SEC24D: variants seen among roughly 807,000 people sequenced by gnomAD.
SEC24D encodes SEC24 homolog D, COPII component.
A neutral mutation model predicts 116.9 loss-of-function variants in SEC24D; 69 were observed. The observed-to-expected ratio is 0.59, with a 90% CI of 0.49 to 0.72. The LOEUF is 0.72. Among genes scored for constraint, SEC24D ranks in the 30% least tolerant of loss-of-function variants. The pLI, the probability that SEC24D is intolerant of heterozygous loss-of-function variation, is 0.00. For synonymous variants in SEC24D, 405 were observed against 442.8 expected (o/e 0.91, Z 1.07); for missense variants, 1,131 against 1,264.1 (o/e 0.89, Z 1.60).
chr4:118,830,886 T>C lies in SEC24D; in HGVS notation c.118+2693A>G, dbSNP rs140366650. Among the ~76,000 whole-genome samples the C allele has an allele frequency of 3.6e-3, 546 of 152,216 alleles. 2 individuals carry two copies. The highest frequency in any genetic ancestry group is 0.017 in the Middle Eastern group (5 of 294). ...GTTACAAGATCATTTTAGTAATCCA[T>C]GTGAGAGATGGATGGATTGAACAAA... On this transcript the variant is annotated intron_variant, in intron 2 of 22. Coordinates refer to ENST00000280551, the MANE Select transcript of SEC24D (RefSeq NM_014822.4).
chr4:118,791,511 TCTCCCTA>T (rs1195079807), intron 8 of SEC24D, among the ~76,000 whole-genome samples: 50 of 152,130 alleles, frequency 3.3e-4, no homozygotes, highest in Middle Eastern at 3.4e-3. Context: ...AATTTATAGC[TCTCCCTA>T]CTCCCTACTC....
intron 8 of SEC24D, among the ~76,000 whole-genome samples, chr4:118,789,832 C>T (rs1345658978): frequency 6.6e-6 from 1 of 152,198 alleles, no homozygotes; most frequent in Non-Finnish European, 1.5e-5. Flanking sequence ...GATCCACCCA[C>T]CTTGGCCTCC....
chr4:118,814,936 T>C, intron 6 of SEC24D, 92 bp downstream of exon 6: 1 of 1,380,938 alleles, frequency 7.2e-7, no homozygotes, highest in African/African-American at 1.4e-5. Context: ...TCTATGCTAA[T>C]GAACAGGATA....
In SEC24D at chr4:118,731,528, G is replaced by C. The variant is rs149598210; in HGVS notation, c.2677-21C>G. ...GTGTGCTGGGCAGGCACAGACAAAA[G>C]AGTTAGAAACTCCTTTCTTCCCCTT... On this transcript the variant is annotated intron_variant, in intron 20 of 22. Transcript: ENST00000280551. 6,507 of 1,609,072 alleles carry C rather than the reference G, an allele frequency of 4.0e-3. 64 individuals are homozygous for C. Among genetic ancestry groups the C allele is most frequent in the Middle Eastern group, 0.04 (244 of 6,046 alleles).
intron 13 of SEC24D, among the ~76,000 whole-genome samples, chr4:118,747,468 G>A (rs1436425083): frequency 6.6e-6 from 1 of 151,962 alleles, no homozygotes; most frequent in African/African-American, 2.4e-5. Context: ...GCTTCTCCAT[G>A]TTGGTCAGGC....
chr4:118,731,472 A>G lies in SEC24D; in HGVS notation c.2712T>C (p.Ala904=), dbSNP rs1801880. 5.6e-6 allele frequency: 9 copies of G among 1,614,168 alleles called. No individual in the cohort carries two copies. The highest frequency in any genetic ancestry group is 7.6e-6 in the Non-Finnish European group (9 of 1,179,998). Residue 904 remains alanine (A), a synonymous_variant, in exon 21 of 23, where the codon GCT becomes GCC. Coordinates refer to ENST00000280551, the MANE Select transcript of SEC24D (RefSeq NM_014822.4). ...GACGGGACTCAGAGCAACGAACGGC[A>G]GCAGGTAACATTGTACTCTTGACAT... ...TLDVKSTMLP[A]AVRCSESRLS...
intron 19 of SEC24D, 85 bp downstream of exon 19, chr4:118,738,176 C>T: frequency 2.2e-6 from 2 of 895,002 alleles, no homozygotes; most frequent in Middle Eastern, 4.4e-4. Context: ...GTGCCTGCAA[C>T]ATCATAAGCC....
intron 2 of SEC24D, among the ~76,000 whole-genome samples, chr4:118,825,242 A>G (rs546087108): frequency 6.2e-4 from 94 of 152,326 alleles, no homozygotes; most frequent in South Asian, 2.9e-3. Context: ...CTTTCTAAAA[A>G]TCCTGAGCAC....
rs376309261 is a variant in SEC24D at position 118,762,378 on chromosome 4, G to A, written c.1296+2424C>T. The stretch of plus-strand genomic sequence containing the variant: ...TATGGCCTGAAGCTGGCACTTACGC[G>A]GTCTCTAAGCCTAAGTTTCCTCAAG... On this transcript the variant is annotated intron_variant, in intron 10 of 22. Coordinates refer to ENST00000280551, the MANE Select transcript of SEC24D (RefSeq NM_014822.4). Among the ~76,000 whole-genome samples the A allele has an allele frequency of 2.5e-4, 38 of 152,162 alleles. No individual in the cohort carries two copies. In the East Asian group the frequency reaches 4.1e-3, roughly 16 times the overall value.
chr4:118,739,308 T>C (rs1156517202), intron 17 of SEC24D, 21 bp from the exon 18 acceptor site: 1 of 1,600,236 alleles, frequency 6.2e-7, no homozygotes, highest in South Asian at 1.1e-5. Context: ...AACATTGAGG[T>C]CACATGTTTT....
At chr4:118,826,252 A>G (rs1057208318) in intron 2 of SEC24D, among the ~76,000 whole-genome samples, 2 of 152,328 alleles carry the variant, frequency 1.3e-5, no homozygotes, top group South Asian at 4.1e-4. Flanking sequence ...ACTTGCAGTC[A>G]CAGACAAGTT....
Position 118,794,122 on chromosome 4 carries a change from T to C in SEC24D, c.1041+3561A>G, listed in dbSNP as rs141218774. Among the ~76,000 whole-genome samples, 10 of 152,282 alleles carry C rather than the reference T, an allele frequency of 6.6e-5. No individual in the cohort carries two copies. In the East Asian group the frequency reaches 1.5e-3, roughly 23 times the overall value. On this transcript the variant is annotated intron_variant, in intron 8 of 22. Transcript: ENST00000280551. ...GGTTAAAACAAACAACTTTGGAAAA[T>C]AGAAACCATACCCACTCAATTTATG... is the stretch of plus-strand genomic sequence containing the variant.
At chr4:118,813,598 T>G (rs79860461) in intron 6 of SEC24D, among the ~76,000 whole-genome samples, 3 of 152,172 alleles carry the variant, frequency 2.0e-5, no homozygotes, top group African/African-American at 7.2e-5. Flanking sequence ...ATTAACCCAC[T>G]AATCCATGAA....
At chr4:118,778,811 C>T (rs1399530304) in intron 8 of SEC24D, among the ~76,000 whole-genome samples, 1 of 152,112 alleles carries the variant, frequency 6.6e-6, no homozygotes, top group Non-Finnish European at 1.5e-5. Context: ...TTGAAGAGGT[C>T]CTTCACATCC....
At chr4:118,752,151 A>G (rs1726872033) in intron 12 of SEC24D, 62 bp from the exon 13 acceptor site, 1 of 1,062,224 alleles carries the variant, frequency 9.4e-7, no homozygotes, top group Admixed American at 1.9e-5. Flanking sequence ...AACTTCAAGC[A>G]ATAAATCACT....
At chr4:118,825,924 A>C (rs1158009831) in intron 2 of SEC24D, among the ~76,000 whole-genome samples, 1 of 152,038 alleles carries the variant, frequency 6.6e-6, no homozygotes, top group Non-Finnish European at 1.5e-5. Flanking sequence ...GAATTGACTG[A>C]TGATGTATAG....
At chr4:118,831,185 C>T (rs980543928) in intron 2 of SEC24D, among the ~76,000 whole-genome samples, 1 of 152,034 alleles carries the variant, frequency 6.6e-6, no homozygotes, top group African/African-American at 2.4e-5. Context: ...CCATGCCCAG[C>T]TAATTTTTAT....
intron 8 of SEC24D, among the ~76,000 whole-genome samples, chr4:118,783,421 C>G (rs1397534846): frequency 6.6e-6 from 1 of 152,224 alleles, no homozygotes; most frequent in African/African-American, 2.4e-5. Flanking sequence ...ACTGTCTAGT[C>G]TCCATTAGAA....
chr4:118,763,146 C>G (rs1029018995), intron 10 of SEC24D, among the ~76,000 whole-genome samples: 1 of 152,178 alleles, frequency 6.6e-6, no homozygotes, highest in Non-Finnish European at 1.5e-5. Context: ...CCAAAAGTCA[C>G]TGTATTTTAG....
Sources: gnomAD v4.1 joint callset for allele counts (sites outside exome capture counted in the v4.1 genomes callset) on GRCh38, gnomAD v4.1.1 for gene constraint, MANE v1.5 for transcripts, NCBI Gene and HGNC (gene_info 2026-07-23, HGNC 2026-07-21) for gene names.